Variants in CCDC170 observed in about 807,000 individuals in gnomAD.
CCDC170 encodes the protein coiled-coil domain-containing protein 170.
Under a neutral mutation model 72.6 loss-of-function variants are expected in CCDC170, and 69 were observed. The observed-to-expected ratio is 0.95, with a 90% CI of 0.78 to 1.16. The LOEUF is 1.16. CCDC170 is among the 50% of genes most tolerant of loss of function. The probability of loss-of-function intolerance (pLI) is 0.00; values close to 1 mark genes in which losing one functional copy is unlikely to be tolerated. For missense variants in CCDC170, 852 were observed against 832.5 expected (o/e 1.02, Z -0.29); for synonymous variants, 300 against 303.9 (o/e 0.99, Z 0.13).
chr6:151,601,284 A>G (rs1045092505), intron 9 of CCDC170, among the ~76,000 whole-genome samples: 3 of 152,188 alleles, frequency 2.0e-5, no homozygotes, highest in African/African-American at 7.2e-5. Context: ...TGATTCAGTT[A>G]TCTCCAACTG....
At chr6:151,611,522 C>A (rs962615953) in intron 9 of CCDC170, among the ~76,000 whole-genome samples, 1 of 152,086 alleles carries the variant, frequency 6.6e-6, no homozygotes, top group Non-Finnish European at 1.5e-5. Flanking sequence ...TCTATAAGAG[C>A]ACTAATCCCA....
intron 1 of CCDC170, among the ~76,000 whole-genome samples, chr6:151,503,753 A>T (rs1242544004): frequency 1.3e-5 from 2 of 152,072 alleles, no homozygotes; most frequent in African/African-American, 4.8e-5. Context: ...GCGCCCAGCA[A>T]TGTGTTTAGA....
intron 7 of CCDC170, 45 bp from the exon 8 acceptor site, chr6:151,593,062 A>C (rs775698901): frequency 6.3e-7 from 1 of 1,591,572 alleles, no homozygotes; most frequent in South Asian, 1.1e-5. Flanking sequence ...TCACTCATTA[A>C]CTTTGACTTT....
intron 7 of CCDC170, among the ~76,000 whole-genome samples, chr6:151,587,598 T>A (rs1776472653): frequency 6.6e-6 from 1 of 152,194 alleles, no homozygotes; most frequent in Non-Finnish European, 1.5e-5. Flanking sequence ...TCTTCTGTAC[T>A]TAAAACATTG....
At chr6:151,556,707 C>G (rs1169821766) in intron 5 of CCDC170, among the ~76,000 whole-genome samples, 3 of 152,170 alleles carry the variant, frequency 2.0e-5, no homozygotes, top group Non-Finnish European at 4.4e-5. Context: ...TTCATCACCT[C>G]AACTATTTAT....
At chr6:151,504,033 T>C (rs986942427) in intron 1 of CCDC170, among the ~76,000 whole-genome samples, 7 of 152,200 alleles carry the variant, frequency 4.6e-5, no homozygotes, top group South Asian at 4.1e-4. Flanking sequence ...AATAATATAG[T>C]GTCATTGTTA....
intron 1 of CCDC170, among the ~76,000 whole-genome samples, chr6:151,504,852 A>G (rs908760479): frequency 6.6e-6 from 1 of 151,816 alleles, no homozygotes; most frequent in African/African-American, 2.4e-5. Flanking sequence ...TGTCCCAGTG[A>G]TGAGGAGAGA....
chr6:151,550,416 G>A (rs1026918484), intron 5 of CCDC170, among the ~76,000 whole-genome samples: 1 of 152,178 alleles, frequency 6.6e-6, no homozygotes, highest in Non-Finnish European at 1.5e-5. Context: ...TTTCTTTTGG[G>A]CCTTTTCTGT....
intron 6 of CCDC170, among the ~76,000 whole-genome samples, chr6:151,575,419 C>A (rs528655171): frequency 1.5e-5 from 2 of 137,042 alleles, no homozygotes; most frequent in African/African-American, 2.8e-5. Context: ...GGCAACAGAG[C>A]GAGACTCTGT....
intron 1 of CCDC170, among the ~76,000 whole-genome samples, chr6:151,531,986 AC>A (rs1782496985): frequency 6.6e-6 from 1 of 152,226 alleles, no homozygotes; most frequent in Non-Finnish European, 1.5e-5. Context: ...TTGAGTGGGA[AC>A]ATTAGATTTG....
intron 6 of CCDC170, among the ~76,000 whole-genome samples, chr6:151,573,885 T>C (rs55959044): frequency 0.14 from 21,196 of 152,260 alleles, 1,679 homozygotes; most frequent in African/African-American, 0.22. Context: ...GGAGCTACAA[T>C]TCAAGATGAG....
intron 1 of CCDC170, among the ~76,000 whole-genome samples, chr6:151,512,722 C>T (rs1228486500): frequency 9.9e-6 from 1 of 101,236 alleles, no homozygotes; most frequent in Non-Finnish European, 2.0e-5. Flanking sequence ...AGTTCCTCCT[C>T]CTTTCTAAGA....
chr6:151,512,510 ACTCAT>A (rs1583003743), intron 1 of CCDC170, among the ~76,000 whole-genome samples: 1 of 152,116 alleles, frequency 6.6e-6, no homozygotes, highest in East Asian at 1.9e-4. Context: ...TGTTTCATAA[ACTCAT>A]ACCAAGAGCT....
intron 9 of CCDC170, among the ~76,000 whole-genome samples, chr6:151,598,908 C>T (rs934928595): frequency 9.2e-5 from 14 of 152,194 alleles, no homozygotes; most frequent in African/African-American, 1.9e-4. Flanking sequence ...GTAGGATGTG[C>T]GGGTGTTCAT....
intron 6 of CCDC170, among the ~76,000 whole-genome samples, chr6:151,575,525 CTTTTTTTTTTTT>C (rs869185539): frequency 2.5e-5 from 2 of 79,664 alleles, no homozygotes; most frequent in African/African-American, 1.0e-4. Context: ...TCTTTTCTTT[CTTTTTTTTTTTT>C]TTTTTTTTTT....
At chr6:151,495,239 G>A (rs1781892208) in intron 1 of CCDC170, among the ~76,000 whole-genome samples, 2 of 152,120 alleles carry the variant, frequency 1.3e-5, no homozygotes, top group Non-Finnish European at 2.9e-5. Flanking sequence ...GTACCACTGT[G>A]TGCAAATAAA....
At chr6:151,588,576 G>A (rs776983599) in intron 7 of CCDC170, among the ~76,000 whole-genome samples, 1 of 152,200 alleles carries the variant, frequency 6.6e-6, no homozygotes, top group Non-Finnish European at 1.5e-5. Context: ...GATTTGAGAA[G>A]TCTGGGAGAG....
chr6:151,579,694 A>G (rs902090644), intron 6 of CCDC170, among the ~76,000 whole-genome samples: 1 of 152,184 alleles, frequency 6.6e-6, no homozygotes, highest in Non-Finnish European at 1.5e-5. Flanking sequence ...GAGAAAGACT[A>G]TGCTGAAAAT....
At position 151,618,096 on chromosome 6, in the gene CCDC170, G is replaced by GACT. The variant is rs769515406; in HGVS notation, c.2101_2103dup (p.Thr701dup). On this transcript the variant is annotated inframe_insertion, in exon 11 of 11. Coordinates refer to ENST00000239374, the MANE Select transcript of CCDC170 (RefSeq NM_025059.4). ...TTACCTGTGCCTGCCTCAAAGATGT[G>GACT]ACTACTGGGCAAGAGAGGCACCCAC... The GACT allele has an allele frequency of 8.1e-6, 13 of 1,613,984 alleles. No homozygotes were observed. The highest frequency in any genetic ancestry group is 1.0e-5 in the Non-Finnish European group (12 of 1,180,034).
Sources: allele counts gnomAD v4.1 joint callset (sites outside exome capture counted in the v4.1 genomes callset), GRCh38; gene constraint gnomAD v4.1.1; transcripts MANE v1.5; gene names NCBI Gene and HGNC (gene_info 2026-07-23, HGNC 2026-07-21).